The following ABCB9 variants were observed in gnomAD, a reference collection of about 807,000 sequenced individuals.
The protein encoded by ABCB9 is ATP binding cassette subfamily B member 9.
A neutral mutation model predicts 62.0 loss-of-function variants in ABCB9; 36 were observed. The observed-to-expected ratio is 0.58, with a 90% CI of 0.45 to 0.77. The LOEUF (loss-of-function observed/expected upper bound fraction) is 0.77, where lower values mean the gene tolerates loss of function less well. Ranked by LOEUF, ABCB9 falls within the 30% of genes least tolerant of loss-of-function variation. The probability of loss-of-function intolerance (pLI) is 0.00; values close to 1 mark genes in which losing one functional copy is unlikely to be tolerated. For synonymous variants in ABCB9, 435 were observed against 461.4 expected, an observed-to-expected ratio of 0.94 and a Z score of 0.73; for missense variants, 943 against 1,054.7, an observed-to-expected ratio of 0.89 and a Z score of 1.47.
intron 3 of ABCB9, 139 bp from the exon 4 acceptor site, chr12:122,950,057 C>T: frequency 8.3e-7 from 1 of 1,211,646 alleles, no homozygotes; most frequent in Non-Finnish European, 1.2e-6. Context: ...CGGGGTCCCC[C>T]TCATTCCCAG....
chr12:122,939,836 T>C lies in ABCB9; in HGVS notation c.1743+275A>G, dbSNP rs2035650888. 5 of 345,524 alleles carry C rather than the reference T, an allele frequency of 1.4e-5. No individual in the cohort carries two copies. In the East Asian group the frequency reaches 2.8e-4, roughly 19 times the overall value. 21.4% of individuals were successfully genotyped at this position (345,524 alleles called of 1,614,324 possible). ...TGTGGGCCATCACATCTGCCCTTTT[T>C]TTCTTTTTTAATAGAGACGGAGTCT... is the stretch of plus-strand genomic sequence containing the variant. On this transcript the variant is annotated intron_variant, in intron 9 of 11. Coordinates refer to ENST00000280560, the MANE Select transcript of ABCB9 (RefSeq NM_019625.4).
At chr12:122,950,613 C>T (rs544966566) in intron 2 of ABCB9, 48 bp from the exon 3 acceptor site, 91 of 1,470,460 alleles carry the variant, frequency 6.2e-5, no homozygotes, top group Middle Eastern at 1.8e-4. Flanking sequence ...CAGGGGAACC[C>T]GCACCCTTCC....
At position 122,950,522 on chromosome 12, in the gene ABCB9, G is replaced by A. The variant is rs1237210814; in HGVS notation, c.645C>T (p.Gly215=). The change falls in exon 3 of 12, where the codon GGC becomes GGT. Residue 215 remains glycine, a synonymous_variant. Transcript: ENST00000280560. ...GATCCATGCTTTTCTGGATGACGAT[G>A]CCATCAATGGCGCGGCCCGTGTAGT... ...LPYYTGRAID[G]IVIQKSMDQF... is the part of the protein sequence containing the mutation. 1 of 1,613,284 alleles carries A rather than the reference G, an allele frequency of 6.2e-7. No individual in the cohort carries two copies. Among genetic ancestry groups the A allele is most frequent in the South Asian group, 1.1e-5 (1 of 91,070 alleles).
At chr12:122,942,423 A>C (rs942460343) in intron 7 of ABCB9, among the ~76,000 whole-genome samples, 1 of 139,812 alleles carries the variant, frequency 7.2e-6, no homozygotes, top group Non-Finnish European at 1.5e-5. Context: ...CCCCATTTCT[A>C]CTGAAAATAC....
downstream of ABCB9, among the ~76,000 whole-genome samples, chr12:122,919,821 T>C (rs368677144): frequency 4.5e-4 from 69 of 152,292 alleles, no homozygotes; most frequent in South Asian, 0.013. Flanking sequence ...TGTGAGGCAC[T>C]GTCACTGTCA....
At chr12:122,946,281 G>A (rs1226628223) in intron 5 of ABCB9, 59 bp from the exon 6 acceptor site, 60 of 1,581,544 alleles carry the variant, frequency 3.8e-5, no homozygotes, top group Non-Finnish European at 5.1e-5. Flanking sequence ...CTATGTACTG[G>A]AGCCCCCAGG....
rs1230575472 is a variant in ABCB9, at chr12:122,934,932, T to TGCCTCCACCTCCTCCTCC, written c.1903+322_1903+339dup. ...CTATATGGAGAGCTGCCTCCTCCTC[T>TGCCTCCACCTCCTCCTCC]GCCTCCACCTCCTCCTCCGCCTCCA... is the stretch of plus-strand genomic sequence containing the variant. On this transcript the variant is annotated intron_variant, in intron 10 of 11. Transcript: ENST00000280560. 2.6e-5 allele frequency among the ~76,000 whole-genome samples: 4 copies of TGCCTCCACCTCCTCCTCC among 152,190 alleles called. No individual in the cohort carries two copies. In the South Asian group the frequency reaches 6.2e-4, roughly 24 times the overall value.
intron 7 of ABCB9, among the ~76,000 whole-genome samples, chr12:122,943,403 C>T (rs2035870746): frequency 6.6e-6 from 1 of 152,208 alleles, no homozygotes; most frequent in Non-Finnish European, 1.5e-5. Flanking sequence ...ATCTAAAACA[C>T]CCTTGCATTT....
intron 2 of ABCB9, chr12:122,953,131 C>T (rs1594049722): frequency 6.6e-6 from 1 of 152,358 alleles, no homozygotes. Context: ...TAACTGGTGT[C>T]TGCTCTTGAA....
In ABCB9 at chr12:122,946,453, T is replaced by C; in HGVS notation, c.1054-231A>G. On this transcript the variant is annotated intron_variant, in intron 5 of 11. Coordinates refer to ENST00000280560, the MANE Select transcript of ABCB9 (RefSeq NM_019625.4). ...AGGCTCTTGGGGCAATGGTTTCAGC[T>C]CCTGAAGGATAGGGCACGGTGCTGA... The C allele has an allele frequency of 8.7e-6, 5 of 575,668 alleles. No homozygotes were observed. In the Admixed American group the frequency reaches 1.5e-4, roughly 17 times the overall value. The allele number at this position is 575,668 out of a possible 1,614,324, so 35.7% of individuals were successfully genotyped here.
rs1054812939 is a variant in ABCB9, at chr12:122,964,976, C to T, written c.-88+1311G>A. Among the ~76,000 whole-genome samples, 30 of 152,294 alleles carry T rather than the reference C, an allele frequency of 2.0e-4. No individual in the cohort carries two copies. Among genetic ancestry groups the T allele is most frequent in the Admixed American group, 1.1e-3 (17 of 15,290 alleles). Reference sequence around the variant, plus strand: ...AGACGATAGATAGCAGTTATTATGACGCTGCAACAGAGACCCTTTGCAGAG... The same window carrying T: ...AGACGATAGATAGCAGTTATTATGATGCTGCAACAGAGACCCTTTGCAGAG... On this transcript the variant is annotated intron_variant, in intron 1 of 11. Coordinates refer to ENST00000280560, the MANE Select transcript of ABCB9 (RefSeq NM_019625.4). This position sits in a 1 kb window ranked among gnomAD's most constrained non-coding sequence, Gnocchi z 4.7.
In ABCB9 at chr12:122,949,936, ATAT is replaced by A. The variant is rs2036265529; in HGVS notation, c.717-21_717-19del. ...CAAATGAGCTAATTGCAGATAAGAG[ATAT>A]TATAGCACGATGTCCTTCCAGACCA... On this transcript the variant is annotated intron_variant, in intron 3 of 11. Coordinates refer to ENST00000280560, the MANE Select transcript of ABCB9 (RefSeq NM_019625.4). 1 of 1,613,760 alleles carries A rather than the reference ATAT, an allele frequency of 6.2e-7. No homozygotes were observed. The highest frequency in any genetic ancestry group is 8.5e-7 in the Non-Finnish European group (1 of 1,179,840).
chr12:122,935,938 G>A (rs148506465), intron 9 of ABCB9, among the ~76,000 whole-genome samples: 40 of 152,300 alleles, frequency 2.6e-4, no homozygotes, highest in Admixed American at 1.6e-3. Context: ...AGGCCTGGTG[G>A]CTCATGCCTG....
At position 122,940,926 on chromosome 12, in the gene ABCB9, C is replaced by G. The variant is rs770755585; in HGVS notation, c.1450G>C (p.Asp484His). The G allele has an allele frequency of 5.6e-6, 9 of 1,612,604 alleles. No individual in the cohort carries two copies. The highest frequency in any genetic ancestry group is 2.5e-6 in the Non-Finnish European group (3 of 1,179,394). ...TCGTGCACCATGGTCGGCTGCCGGTCGATGAACTCGAACACCTTCTCAGCA... is the reference window on the plus strand; with the variant it reads ...TCGTGCACCATGGTCGGCTGCCGGTGGATGAACTCGAACACCTTCTCAGCA... ...GAAEKVFEFI[D>H]RQPTMVHDGS... Residue 484 changes from aspartate to histidine, a missense_variant, in exon 8 of 12, where the codon GAC becomes CAC. Asp to His is a moderately conservative substitution (Grantham distance 81, BLOSUM62 -1). Transcript: ENST00000280560. The surrounding 1 kb of genome is among the most constrained non-coding windows in gnomAD (Gnocchi z 4.8).
upstream of ABCB9, among the ~76,000 whole-genome samples, chr12:122,970,046 A>T (rs1241630745): frequency 6.6e-6 from 1 of 152,182 alleles, no homozygotes; most frequent in Admixed American, 6.5e-5. Context: ...ATTTACGTCT[A>T]CAGAAACACC....
intron 11 of ABCB9, among the ~76,000 whole-genome samples, chr12:122,923,442 A>G (rs2034803847): frequency 6.6e-6 from 1 of 151,692 alleles, no homozygotes; most frequent in South Asian, 2.1e-4. Flanking sequence ...ACCCGCCACC[A>G]CGCCCGGCTA....
At chr12:122,962,838 C>T (rs1274391425) in intron 1 of ABCB9, among the ~76,000 whole-genome samples, 1 of 152,148 alleles carries the variant, frequency 6.6e-6, no homozygotes, top group Non-Finnish European at 1.5e-5. Flanking sequence ...GCACTGTCAT[C>T]CCTTCCACTT....
chr12:122,954,646 C>T (rs189686891), intron 2 of ABCB9, among the ~76,000 whole-genome samples: 2 of 152,238 alleles, frequency 1.3e-5, no homozygotes, highest in Admixed American at 6.5e-5. Context: ...GCGTGTGCCA[C>T]CACGCCCGGC....
chr12:122,948,876 G>A, intron 4 of ABCB9, 47 bp from the exon 5 acceptor site: 1 of 1,454,428 alleles, frequency 6.9e-7, no homozygotes, highest in African/African-American at 1.5e-5. Flanking sequence ...CCGGGCCTTG[G>A]GGGTGGCGGT....
Sources: allele counts gnomAD v4.1 joint callset (sites outside exome capture counted in the v4.1 genomes callset), GRCh38; gene constraint gnomAD v4.1.1; non-coding constraint Gnocchi (gnomAD v3.1); transcripts MANE v1.5; gene names NCBI Gene and HGNC (gene_info 2026-07-23, HGNC 2026-07-21).